VWC2: variants seen among roughly 807,000 people sequenced by gnomAD.
The protein encoded by VWC2 is von Willebrand factor C domain containing 2.
VWC2 carries 14 observed loss-of-function variants against 29.8 expected under a neutral mutation model. That is an observed-to-expected ratio of 0.47 (90% confidence interval 0.31 to 0.74). The LOEUF is 0.74. Ranked by LOEUF, VWC2 falls within the 30% of genes least tolerant of loss-of-function variation. The pLI is 0.05. For missense variants in VWC2, 457 were observed against 459.8 expected (o/e 0.99, Z 0.05); for synonymous variants, 213 against 199.0 (o/e 1.07, Z -0.59).
At position 49,775,401 on chromosome 7, in the gene VWC2, T is replaced by TGCC; in HGVS notation, c.-35_-34insGCC. On this transcript the variant is annotated 5_prime_UTR_variant, in exon 2 of 4. Coordinates refer to ENST00000340652, the MANE Select transcript of VWC2 (RefSeq NM_198570.5). Reference sequence around the variant, plus strand: ...AATGCGACTCGCCCCTCGGCCGCGCTCCCCGCCCGCCCGCCCGCCGGGACG... The same window carrying TGCC: ...AATGCGACTCGCCCCTCGGCCGCGCTGCCCCCCGCCCGCCCGCCCGCCGGGACG... 4 of 1,072,750 alleles carry TGCC rather than the reference T, an allele frequency of 3.7e-6. No homozygotes were observed. Among genetic ancestry groups the TGCC allele is most frequent in the Non-Finnish European group, 4.8e-6 (4 of 829,174 alleles). 66.5% of individuals were successfully genotyped at this position (1,072,750 alleles called of 1,614,324 possible).
chr7:49,866,500 G>T (rs570950698), intron 3 of VWC2, among the ~76,000 whole-genome samples: 1 of 152,312 alleles, frequency 6.6e-6, no homozygotes, highest in East Asian at 1.9e-4. Context: ...CATTACATTT[G>T]CTAAGGGTTC....
chr7:49,819,019 T>C (rs1301885102), intron 3 of VWC2, among the ~76,000 whole-genome samples: 1 of 152,166 alleles, frequency 6.6e-6, no homozygotes, highest in Non-Finnish European at 1.5e-5. Flanking sequence ...CAAACTTCGC[T>C]TATCTCCTAA....
chr7:49,865,953 C>T lies in VWC2; in HGVS notation c.827-46081C>T, dbSNP rs558549564. ...TCCAGTTGAGAAAGTCTACTCGGCA[C>T]CATCTTAAATTGCTTAGGTTTTAAT... On this transcript the variant is annotated intron_variant, in intron 3 of 3. Coordinates refer to ENST00000340652, the MANE Select transcript of VWC2 (RefSeq NM_198570.5). Among the ~76,000 whole-genome samples the T allele has an allele frequency of 4.6e-5, 7 of 152,346 alleles. No homozygotes were observed. The East Asian group carries it at 1.4e-3, about 29-fold the overall frequency.
At chr7:49,873,611 T>C (rs1461143170) in intron 3 of VWC2, among the ~76,000 whole-genome samples, 3 of 152,208 alleles carry the variant, frequency 2.0e-5, no homozygotes, top group Non-Finnish European at 2.9e-5. Flanking sequence ...GGAAAAAAGT[T>C]TGCCAGTATA....
intron 3 of VWC2, among the ~76,000 whole-genome samples, chr7:49,855,399 T>C (rs1344464077): frequency 2.0e-5 from 3 of 152,154 alleles, no homozygotes; most frequent in Non-Finnish European, 4.4e-5. Context: ...ACAGGGACCT[T>C]GTCAGCATCT....
intron 3 of VWC2, among the ~76,000 whole-genome samples, chr7:49,881,160 C>T (rs528394241): frequency 4.6e-5 from 7 of 152,220 alleles, no homozygotes; most frequent in African/African-American, 1.7e-4. Flanking sequence ...CCTGAGCCTT[C>T]GGGGCTACTA....
intron 3 of VWC2, among the ~76,000 whole-genome samples, chr7:49,851,134 G>T (rs4916995): frequency 0.66 from 99,907 of 151,992 alleles, 34,063 homozygotes; most frequent in East Asian, 0.88. Context: ...CCGCCACCCT[G>T]GGCTTCCTGG....
chr7:49,813,995 T>A (rs1789072913), intron 3 of VWC2, among the ~76,000 whole-genome samples: 1 of 152,178 alleles, frequency 6.6e-6, no homozygotes, highest in Non-Finnish European at 1.5e-5. Flanking sequence ...CATAAATAAA[T>A]GTTTAAATAT....
rs1793594972 is a variant in VWC2 at position 49,914,017 on chromosome 7, T to C, written c.*1832T>C. 6.6e-6 allele frequency: 1 copy of C among 152,228 alleles called. No individual in the cohort carries two copies. 9.4% of individuals were successfully genotyped at this position (152,228 alleles called of 1,614,324 possible). A position where few individuals can be genotyped will look rare whatever the true frequency, so the allele number is the denominator to read the frequency against. ...CAGGGGAATTATTAGCTAATTGTTCTCAGGTGTAATCAGCTTTCCAAAATT... is the reference window on the plus strand; with the variant it reads ...CAGGGGAATTATTAGCTAATTGTTCCCAGGTGTAATCAGCTTTCCAAAATT... On this transcript the variant is annotated 3_prime_UTR_variant, in exon 4 of 4. Coordinates refer to ENST00000340652, the MANE Select transcript of VWC2 (RefSeq NM_198570.5).
intron 3 of VWC2, among the ~76,000 whole-genome samples, chr7:49,866,623 A>G (rs1790904002): frequency 6.6e-6 from 1 of 152,220 alleles, no homozygotes; most frequent in Non-Finnish European, 1.5e-5. Context: ...GAAATGCAAC[A>G]TCCTGTCACA....
At chr7:49,881,216 G>A (rs1791648790) in intron 3 of VWC2, among the ~76,000 whole-genome samples, 1 of 152,122 alleles carries the variant, frequency 6.6e-6, no homozygotes, top group Admixed American at 6.6e-5. Flanking sequence ...GAGGAGGAGA[G>A]TCCTGTTCAG....
chr7:49,867,658 C>T (rs371982388), intron 3 of VWC2, among the ~76,000 whole-genome samples: 2 of 152,272 alleles, frequency 1.3e-5, no homozygotes, highest in African/African-American at 4.8e-5. Context: ...ACCTGCGAGG[C>T]CCTGGCTGAA....
At chr7:49,806,211 G>C (rs1788876004) in intron 3 of VWC2, among the ~76,000 whole-genome samples, 1 of 152,180 alleles carries the variant, frequency 6.6e-6, no homozygotes, top group East Asian at 1.9e-4. Flanking sequence ...TTTTAGACAT[G>C]CTTGTCTGCA....
chr7:49,900,033 C>T (rs1447539370), intron 3 of VWC2, among the ~76,000 whole-genome samples: 1 of 151,690 alleles, frequency 6.6e-6, no homozygotes, highest in Non-Finnish European at 1.5e-5. Flanking sequence ...GGAAAGTCCC[C>T]AAATACTTGA....
At chr7:49,852,166 T>C (rs1790206366) in intron 3 of VWC2, among the ~76,000 whole-genome samples, 1 of 152,228 alleles carries the variant, frequency 6.6e-6, no homozygotes, top group Admixed American at 6.5e-5. Flanking sequence ...CTCTCTGCCC[T>C]GTGGCCACTG....
intron 3 of VWC2, among the ~76,000 whole-genome samples, chr7:49,864,023 G>A (rs691466): frequency 0.062 from 9,480 of 151,902 alleles, 974 homozygotes; most frequent in African/African-American, 0.22. Flanking sequence ...GTTTATTATA[G>A]TGTGGTAAAA....
chr7:49,900,706 T>A (rs1271696691), intron 3 of VWC2, among the ~76,000 whole-genome samples: 1 of 151,818 alleles, frequency 6.6e-6, no homozygotes. Context: ...CCAGATAGGA[T>A]CACTGGTGAA....
intron 3 of VWC2, among the ~76,000 whole-genome samples, chr7:49,875,383 A>AAAAAAC: frequency 6.7e-6 from 1 of 149,542 alleles, no homozygotes; most frequent in Non-Finnish European, 1.5e-5. Flanking sequence ...AAAAAAAAAA[A>AAAAAAC]AAAAAAAAAA....
In VWC2 at chr7:49,776,052, A is replaced by G. The variant is rs371814936; in HGVS notation, c.617A>G (p.Gln206Arg). Reference protein sequence around the residue: ...HPRCIHVDTSQCCPQCKERKN... With the variant: ...HPRCIHVDTSRCCPQCKERKN... The stretch of plus-strand genomic sequence containing the variant: ...CGCTGCATCCACGTCGACACGAGCC[A>G]GTGCTGCCCGCAGTGCAAGGAGAGG... The change falls in exon 2 of 4, where the codon CAG (glutamine) becomes CGG (arginine). Residue 206 changes from glutamine to arginine, a missense_variant. Gln to Arg is a conservative substitution (Grantham distance 43). Coordinates refer to ENST00000340652, the MANE Select transcript of VWC2 (RefSeq NM_198570.5). 7 of 1,553,332 alleles carry G rather than the reference A, an allele frequency of 4.5e-6. No individual in the cohort carries two copies. Among genetic ancestry groups the G allele is most frequent in the Non-Finnish European group, 4.3e-6 (5 of 1,155,200 alleles).
Sources: allele counts gnomAD v4.1 joint callset (sites outside exome capture counted in the v4.1 genomes callset), GRCh38; gene constraint gnomAD v4.1.1; transcripts MANE v1.5; gene names NCBI Gene and HGNC (gene_info 2026-07-23, HGNC 2026-07-21).